Variants in FZD4 observed in about 807,000 individuals in gnomAD.
FZD4 encodes frizzled class receptor 4.
A neutral mutation model predicts 37.3 loss-of-function variants in FZD4; 16 were observed. The ratio of observed to expected loss-of-function variants is 0.43; its 90% CI spans 0.29 to 0.65. FZD4 has a LOEUF of 0.65. Ranked by LOEUF, FZD4 falls within the 30% of genes least tolerant of loss-of-function variation. The probability of loss-of-function intolerance (pLI) is 0.16; values close to 1 mark genes in which losing one functional copy is unlikely to be tolerated. For synonymous variants in FZD4, 246 were observed against 254.8 expected (o/e 0.97, Z 0.33); for missense variants, 599 against 674.3 (o/e 0.89, Z 1.24).
Position 86,952,450 on chromosome 11 carries a change from A to G in FZD4, c.306T>C (p.Tyr102=), listed in dbSNP as rs1490112465. ...TGATCTTCTCTGTGCACATTGGCAC[A>G]TAAACAGAACAAAGGAAGAACTGGA... The part of the protein sequence containing the change: ...SQLQFFLCSV[Y]VPMCTEKINI... The change falls in exon 2 of 2, where the codon TAT becomes TAC. Residue 102 remains tyrosine (Y), a synonymous_variant. Coordinates refer to ENST00000531380, the MANE Select transcript of FZD4 (RefSeq NM_012193.4). The G allele has an allele frequency of 1.2e-6, 2 of 1,613,850 alleles. No homozygotes were observed. The highest frequency in any genetic ancestry group is 2.7e-5 in the African/African-American group (2 of 74,940).
In FZD4 at chr11:86,950,992, G is replaced by A. The variant is rs1230591805; in HGVS notation, c.*150C>T. ...TCATTGGTTTTTTGATGCTGGGGTC[G>A]GGGTGGGAGGCAGTGGGTTGACGGG... On this transcript the variant is annotated 3_prime_UTR_variant, in exon 2 of 2. Coordinates refer to ENST00000531380, the MANE Select transcript of FZD4 (RefSeq NM_012193.4). The A allele has an allele frequency of 4.9e-6, 4 of 808,734 alleles. No individual in the cohort carries two copies. Among genetic ancestry groups the A allele is most frequent in the African/African-American group, 1.7e-5 (1 of 59,480 alleles). 50.1% of individuals were successfully genotyped at this position (808,734 alleles called of 1,614,324 possible). A position where few individuals can be genotyped will look rare whatever the true frequency, so the allele number is the denominator to read the frequency against.
At position 86,954,998 on chromosome 11, in the gene FZD4, G is replaced by A. The variant is rs778868934; in HGVS notation, c.88C>T (p.Leu30Phe). The change falls in exon 1 of 2, where the codon CTC becomes TTC. Residue 30 changes from leucine (L) to phenylalanine (F), a missense_variant. By Grantham distance (22) the Leu-to-Phe change is conservative. Coordinates refer to ENST00000531380, the MANE Select transcript of FZD4 (RefSeq NM_012193.4). ...CCGAAGCCCCGCGCCGGCCCCAGGA[G>A]CAGCAGCAACTGCAGGAGCAACCCC... ...SLGLLLQLLLLLGPARGFGDE... is the reference protein window; with the variant it reads ...SLGLLLQLLLFLGPARGFGDE... 3.7e-6 allele frequency: 6 copies of A among 1,612,306 alleles called. No individual in the cohort carries two copies. Among genetic ancestry groups the A allele is most frequent in the Non-Finnish European group, 5.1e-6 (6 of 1,179,548 alleles).
rs1949236713 is a variant in FZD4, at chr11:86,945,688, A to C, written c.*5454T>G. On this transcript the variant is annotated 3_prime_UTR_variant, in exon 2 of 2. Transcript: ENST00000531380. ...CAAGTCACACACAACCTAACAAACA[A>C]AACTTTATTTTCCTTTAATACAAAA... The C allele has an allele frequency of 6.6e-6, 1 of 152,638 alleles. No individual in the cohort carries two copies. Among genetic ancestry groups the C allele is most frequent in the African/African-American group, 2.4e-5 (1 of 41,438 alleles). 9.5% of individuals were successfully genotyped at this position (152,638 alleles called of 1,614,324 possible).
Position 86,955,036 on chromosome 11 carries a change from A to C in FZD4, c.50T>G (p.Val17Gly). The C allele has an allele frequency of 3.1e-6, 5 of 1,608,262 alleles. No individual in the cohort carries two copies. Among genetic ancestry groups the C allele is most frequent in the Middle Eastern group, 1.7e-4 (1 of 6,012 alleles). The change falls in exon 1 of 2, where the codon GTC (valine) becomes GGC (glycine). Residue 17 changes from valine to glycine, a missense_variant. Val to Gly is a moderately radical substitution (Grantham distance 109). Coordinates refer to ENST00000531380, the MANE Select transcript of FZD4 (RefSeq NM_012193.4). ...CAGGAGCAACCCCAGACTGAGACCG[A>C]CGCCCCCGGGCGCCCCCGGGACGCT... is the stretch of plus-strand genomic sequence containing the variant. Reference protein sequence around the residue: ...GPSVPGAPGGVGLSLGLLLQL... With the variant: ...GPSVPGAPGGGGLSLGLLLQL...
In FZD4 at chr11:86,950,839, G is replaced by C. The variant is rs1949284136; in HGVS notation, c.*303C>G. 5 of 452,948 alleles carry C rather than the reference G, an allele frequency of 1.1e-5. No homozygotes were observed. The South Asian group carries it at 1.1e-4, about 10-fold the overall frequency. 28.1% of individuals were successfully genotyped at this position (452,948 alleles called of 1,614,324 possible). A position where few individuals can be genotyped will look rare whatever the true frequency, so the allele number is the denominator to read the frequency against. On this transcript the variant is annotated 3_prime_UTR_variant, in exon 2 of 2. Transcript: ENST00000531380. ...AAACAGTATCGCCCTGGACTTCCTG[G>C]AATCTAGGCAGGACCTCCACGCTCC...
In FZD4 at chr11:86,955,395, C is replaced by T. The variant is rs1424150443; in HGVS notation, c.-310G>A. On this transcript the variant is annotated 5_prime_UTR_variant, in exon 1 of 2. Coordinates refer to ENST00000531380, the MANE Select transcript of FZD4 (RefSeq NM_012193.4). The stretch of plus-strand genomic sequence containing the variant: ...CCAGCAGCCAGCGCTGCGCAGCTCT[C>T]ACCGCCGGAGCCCTGCGCGGCGCTG... The T allele has an allele frequency of 1.2e-5, 3 of 253,352 alleles. No homozygotes were observed. 15.7% of individuals were successfully genotyped at this position (253,352 alleles called of 1,614,324 possible). A position where few individuals can be genotyped will look rare whatever the true frequency, so the allele number is the denominator to read the frequency against.
rs1380803837 is a variant in FZD4 at position 86,954,847 on chromosome 11, G to A, written c.239C>T (p.Thr80Ile). 6.2e-7 allele frequency: 1 copy of A among 1,613,202 alleles called. No individual in the cohort carries two copies. The highest frequency in any genetic ancestry group is 2.2e-5 in the East Asian group (1 of 44,814). Residue 80 changes from threonine (T) to isoleucine (I), a missense_variant, in exon 1 of 2, where the codon ACA (threonine) becomes ATA (isoleucine). Physicochemically the swap from Thr to Ile is moderately conservative, Grantham distance 89 (BLOSUM62 -1). Coordinates refer to ENST00000531380, the MANE Select transcript of FZD4 (RefSeq NM_012193.4). ...GTACTGGATGAGCGGTGTGAAAGTTGTCAGCTGCAGCTCGGCGTCCGTCTG... is the reference window on the plus strand; with the variant it reads ...GTACTGGATGAGCGGTGTGAAAGTTATCAGCTGCAGCTCGGCGTCCGTCTG... The part of the protein sequence containing the change: ...ELQTDAELQL[T>I]TFTPLIQYGC...
Position 86,947,310 on chromosome 11 carries a change from GA to G in FZD4, c.*3831del. The G allele has an allele frequency of 6.4e-6, 1 of 156,164 alleles. No individual in the cohort carries two copies. Among genetic ancestry groups the G allele is most frequent in the East Asian group, 1.9e-4 (1 of 5,386 alleles). The allele number at this position is 156,164 out of a possible 1,614,324, so 9.7% of individuals were successfully genotyped here. A position where few individuals can be genotyped will look rare whatever the true frequency, so the allele number is the denominator to read the frequency against. Reference sequence around the variant, plus strand: ...AACTGCAGCTGTGGTCACCTCACCAGAAATCAAATACTGCACCGACCTGGTG... The same window carrying G: ...AACTGCAGCTGTGGTCACCTCACCAGAATCAAATACTGCACCGACCTGGTG... On this transcript the variant is annotated 3_prime_UTR_variant, in exon 2 of 2. Coordinates refer to ENST00000531380, the MANE Select transcript of FZD4 (RefSeq NM_012193.4).
In FZD4 at chr11:86,950,043, G is replaced by A. The variant is rs1949276760; in HGVS notation, c.*1099C>T. 6.6e-6 allele frequency: 1 copy of A among 152,294 alleles called. No individual in the cohort carries two copies. The highest frequency in any genetic ancestry group is 1.5e-5 in the Non-Finnish European group (1 of 68,042). 9.4% of individuals were successfully genotyped at this position (152,294 alleles called of 1,614,324 possible). ...TATCATTCTGAGAATGCAAGTTGAA[G>A]TTGACCATAGTTTTAAAGTCAGTTG... On this transcript the variant is annotated 3_prime_UTR_variant, in exon 2 of 2. Transcript: ENST00000531380.
intron 1 of FZD4, among the ~76,000 whole-genome samples, chr11:86,953,627 T>A (rs563895233): frequency 6.6e-6 from 1 of 152,156 alleles, no homozygotes; most frequent in Non-Finnish European, 1.5e-5. Flanking sequence ...CTTTTCTTTT[T>A]TTTTTTGATA....
At position 86,951,352 on chromosome 11, in the gene FZD4, A is replaced by G. The variant is rs761495510; in HGVS notation, c.1404T>C (p.Ser468=). The change falls in exon 2 of 2, where the codon TCT becomes TCC. Residue 468 remains serine, a synonymous_variant. Coordinates refer to ENST00000531380, the MANE Select transcript of FZD4 (RefSeq NM_012193.4). ...EISNWALFRY[S]ADDSNMAVEM... ...CAACAGCCATGTTGGAATCATCTGC[A>G]GAATACCGAAAAAGTGCCCAGTTGG... The G allele has an allele frequency of 1.8e-5, 29 of 1,613,820 alleles. No individual in the cohort carries two copies. Among genetic ancestry groups the G allele is most frequent in the Non-Finnish European group, 1.9e-5 (22 of 1,179,762 alleles).
Position 86,950,641 on chromosome 11 carries a change from G to A in FZD4, c.*501C>T, listed in dbSNP as rs1949281859. 5.2e-6 allele frequency: 1 copy of A among 191,808 alleles called. No homozygotes were observed. Among genetic ancestry groups the A allele is most frequent in the African/African-American group, 2.4e-5 (1 of 42,434 alleles). The allele number at this position is 191,808 out of a possible 1,614,324, so 11.9% of individuals were successfully genotyped here. ...CACAGAAGATGTTTATGTTACATCA[G>A]CCAAACTATAAAACTCTTGTAACAC... On this transcript the variant is annotated 3_prime_UTR_variant, in exon 2 of 2. Coordinates refer to ENST00000531380, the MANE Select transcript of FZD4 (RefSeq NM_012193.4).
In FZD4 at chr11:86,951,760, T is replaced by G; in HGVS notation, c.996A>C (p.Gly332=). 6.2e-7 allele frequency: 1 copy of G among 1,614,106 alleles called. No individual in the cohort carries two copies. Among genetic ancestry groups the G allele is most frequent in the Non-Finnish European group, 8.5e-7 (1 of 1,180,024 alleles). ...ILTLTWFLAA[G]LKWGHEAIEM... ...CAATGGCTTCATGACCCCATTTGAG[T>G]CCTGCTGCCAAAAACCAAGTGAGTG... Residue 332 remains glycine, a synonymous_variant, in exon 2 of 2, where the codon GGA becomes GGC. Coordinates refer to ENST00000531380, the MANE Select transcript of FZD4 (RefSeq NM_012193.4).
At chr11:86,953,272 T>C (rs1336098956) in intron 1 of FZD4, among the ~76,000 whole-genome samples, 1 of 152,192 alleles carries the variant, frequency 6.6e-6, no homozygotes, top group Non-Finnish European at 1.5e-5. Flanking sequence ...AGGGATCCAG[T>C]CTTGTCCTTC....
At position 86,950,887 on chromosome 11, in the gene FZD4, T is replaced by C; in HGVS notation, c.*255A>G. 1.8e-6 allele frequency: 1 copy of C among 558,484 alleles called. No individual in the cohort carries two copies. The highest frequency in any genetic ancestry group is 3.2e-6 in the Non-Finnish European group (1 of 312,656). The allele number at this position is 558,484 out of a possible 1,614,324, so 34.6% of individuals were successfully genotyped here. On this transcript the variant is annotated 3_prime_UTR_variant, in exon 2 of 2. Transcript: ENST00000531380. ...TCCAAGCTGCAACCTGCTAAAGTGATCAACGTTTTGATTTTTCACAGCTTT... is the reference window on the plus strand; with the variant it reads ...TCCAAGCTGCAACCTGCTAAAGTGACCAACGTTTTGATTTTTCACAGCTTT...
rs759890542 is a variant in FZD4, at chr11:86,951,281, C to T, written c.1475G>A (p.Gly492Asp). ...AGTTTTGGCAGACCAAATCCACATG[C>T]CTGAAGTGATGCCCACCAACAAAGA... is the stretch of plus-strand genomic sequence containing the variant. ...FMSLLVGITSGMWIWSAKTLH... is the reference protein window; with the variant it reads ...FMSLLVGITSDMWIWSAKTLH... Residue 492 changes from glycine to aspartate, a missense_variant, in exon 2 of 2, where the codon GGC (glycine) becomes GAC (aspartate). By Grantham distance (94) the Gly-to-Asp change is moderately conservative (BLOSUM62 -1). Around this residue, in one of 3 missense-constraint regions of FZD4, gnomAD observed 203 missense variants for 196.8 expected, o/e 1.03. Coordinates refer to ENST00000531380, the MANE Select transcript of FZD4 (RefSeq NM_012193.4). 9 of 1,614,018 alleles carry T rather than the reference C, an allele frequency of 5.6e-6. No individual in the cohort carries two copies. Among genetic ancestry groups the T allele is most frequent in the African/African-American group, 1.3e-5 (1 of 74,900 alleles).
At chr11:86,954,682 T>C in intron 1 of FZD4, 119 bp downstream of exon 1, 1 of 1,442,030 alleles carries the variant, frequency 6.9e-7, no homozygotes, top group Non-Finnish European at 9.1e-7. Flanking sequence ...GGAAATCACT[T>C]TTCCAGGAGA....
Position 86,951,443 on chromosome 11 carries a change from C to G in FZD4, c.1313G>C (p.Gly438Ala). 6.2e-7 allele frequency: 1 copy of G among 1,613,432 alleles called. No homozygotes were observed. The highest frequency in any genetic ancestry group is 8.5e-7 in the Non-Finnish European group (1 of 1,179,340). Residue 438 changes from glycine to alanine, a missense_variant, in exon 2 of 2, where the codon GGG (glycine) becomes GCG (alanine). Around this residue, in one of 3 missense-constraint regions of FZD4, gnomAD observed 203 missense variants for 196.8 expected, o/e 1.03. Transcript: ENST00000531380. The stretch of plus-strand genomic sequence containing the variant: ...AACTGTGTACAGTACTGAGAACACC[C>G]CAATCTTGACCATCAGTCTTTCTAA... The part of the protein sequence containing the change: ...DKLERLMVKI[G>A]VFSVLYTVPA...
At position 86,947,858 on chromosome 11, in the gene FZD4, C is replaced by T. The variant is rs1298078295; in HGVS notation, c.*3284G>A. The T allele has an allele frequency of 6.6e-6, 1 of 152,158 alleles. No individual in the cohort carries two copies. The highest frequency in any genetic ancestry group is 1.5e-5 in the Non-Finnish European group (1 of 68,046). The allele number at this position is 152,158 out of a possible 1,614,324, so 9.4% of individuals were successfully genotyped here. A position where few individuals can be genotyped will look rare whatever the true frequency, so the allele number is the denominator to read the frequency against. ...TTGCACCATGTTTAATCTCTGGAGG[C>T]CAAGGGATTTCTGAGGAAGCTACAA... On this transcript the variant is annotated 3_prime_UTR_variant, in exon 2 of 2. Coordinates refer to ENST00000531380, the MANE Select transcript of FZD4 (RefSeq NM_012193.4).
Sources: gnomAD v4.1 joint callset for allele counts (sites outside exome capture counted in the v4.1 genomes callset) on GRCh38, gnomAD v4.1.1 for gene constraint, gnomAD v4.1.1 regional missense constraint, MANE v1.5 for transcripts, NCBI Gene and HGNC (gene_info 2026-07-23, HGNC 2026-07-21) for gene names.